TTBK2: variants seen among roughly 807,000 people sequenced by gnomAD.
The protein encoded by TTBK2 is tau tubulin kinase 2.
TTBK2 carries 28 observed loss-of-function variants against 110.8 expected under a neutral mutation model. The observed-to-expected ratio is 0.25, with a 90% confidence interval of 0.19 to 0.35. The LOEUF (loss-of-function observed/expected upper bound fraction) is 0.35. Among genes scored for constraint, TTBK2 ranks in the 10% least tolerant of loss-of-function variants. The pLI is 1.00. For missense variants in TTBK2, 1,369 were observed against 1,500.3 expected (o/e 0.91, Z 1.45); for synonymous variants, 532 against 527.3 (o/e 1.01, Z -0.12).
chr15:42,809,613 A>G (rs183030815), intron 9 of TTBK2, among the ~76,000 whole-genome samples: 1 of 152,354 alleles, frequency 6.6e-6, no homozygotes, highest in Admixed American at 6.5e-5. Flanking sequence ...AAAGACAAAT[A>G]TAAGAACACA....
At chr15:42,876,051 A>G (rs1894810347) in intron 2 of TTBK2, among the ~76,000 whole-genome samples, 1 of 152,078 alleles carries the variant, frequency 6.6e-6, no homozygotes, top group Non-Finnish European at 1.5e-5. Context: ...CAAGTGAGTG[A>G]AGAAACCATG....
chr15:42,853,263 TAA>T (rs202181236), intron 3 of TTBK2, among the ~76,000 whole-genome samples: 1 of 146,096 alleles, frequency 6.8e-6, no homozygotes, highest in Non-Finnish European at 1.5e-5. Flanking sequence ...TATTTCAGGG[TAA>T]AAAAAAAAAT....
At chr15:42,769,479 A>C (rs911969532) in intron 13 of TTBK2, among the ~76,000 whole-genome samples, 22 of 151,724 alleles carry the variant, frequency 1.5e-4, no homozygotes, top group Admixed American at 2.6e-4. Flanking sequence ...AAAAGAAGAC[A>C]TTTATGCAGC....
intron 1 of TTBK2, 73 bp downstream of exon 1, chr15:42,920,365 A>C (rs1596061775): frequency 6.6e-6 from 1 of 151,584 alleles, no homozygotes. Flanking sequence ...TCACTCGGCG[A>C]GGGGTGCGGC....
intron 12 of TTBK2, among the ~76,000 whole-genome samples, chr15:42,776,452 C>T (rs1889926348): frequency 6.6e-6 from 1 of 152,238 alleles, no homozygotes; most frequent in African/African-American, 2.4e-5. Context: ...GCACTACAAT[C>T]TTTACCTATG....
chr15:42,903,442 A>G (rs1344523186), intron 1 of TTBK2, among the ~76,000 whole-genome samples: 2 of 152,252 alleles, frequency 1.3e-5, no homozygotes, highest in Non-Finnish European at 2.9e-5. Flanking sequence ...ATATTTTACC[A>G]TAATAAAAAG....
chr15:42,861,678 G>C (rs1193928996), intron 3 of TTBK2, among the ~76,000 whole-genome samples: 1 of 148,638 alleles, frequency 6.7e-6, no homozygotes, highest in African/African-American at 2.5e-5. Flanking sequence ...ATCTTGCATA[G>C]AATAGAAAAA....
chr15:42,811,365 C>T (rs1567037752), intron 8 of TTBK2, among the ~76,000 whole-genome samples: 5 of 151,978 alleles, frequency 3.3e-5, no homozygotes. Flanking sequence ...CTAAATCAAA[C>T]AATATAATAT....
intron 1 of TTBK2, among the ~76,000 whole-genome samples, chr15:42,881,069 G>A (rs1022174778): frequency 6.6e-6 from 1 of 151,838 alleles, no homozygotes; most frequent in African/African-American, 2.4e-5. Context: ...ATCTCTTGAG[G>A]TCAGGAGTTC....
chr15:42,758,342 T>C lies in TTBK2; in HGVS notation c.1999-5095A>G, dbSNP rs982608254. ...ACCTTTTTTGTCTAAAGCAGCTTTATATAATACTTTATAGAAATGTTGAAA... is the reference window on the plus strand; with the variant it reads ...ACCTTTTTTGTCTAAAGCAGCTTTACATAATACTTTATAGAAATGTTGAAA... On this transcript the variant is annotated intron_variant, in intron 13 of 14. Transcript: ENST00000267890. Among the ~76,000 whole-genome samples the C allele has an allele frequency of 3.3e-5, 5 of 152,316 alleles. No individual in the cohort carries two copies. The South Asian group carries it at 1.0e-3, about 32-fold the overall frequency.
At chr15:42,792,567 TTTTA>T (rs1212519852) in intron 10 of TTBK2, among the ~76,000 whole-genome samples, 3 of 152,172 alleles carry the variant, frequency 2.0e-5, no homozygotes, top group Non-Finnish European at 4.4e-5. Context: ...CTAGCACTGG[TTTTA>T]TTTATTTATT....
chr15:42,919,199 A>AT (rs1274824353), intron 1 of TTBK2, among the ~76,000 whole-genome samples: 1 of 152,142 alleles, frequency 6.6e-6, no homozygotes, highest in Non-Finnish European at 1.5e-5. Flanking sequence ...CACACACATT[A>AT]TTTGAAACAT....
intron 11 of TTBK2, 146 bp from the exon 12 acceptor site, chr15:42,777,388 A>C: frequency 1.4e-6 from 1 of 737,970 alleles, no homozygotes; most frequent in South Asian, 1.9e-5. Context: ...ACTTCATTAC[A>C]TTCTTATCTA....
intron 1 of TTBK2, among the ~76,000 whole-genome samples, chr15:42,908,024 T>C (rs2030516089): frequency 6.6e-6 from 1 of 152,086 alleles, no homozygotes; most frequent in African/African-American, 2.4e-5. Context: ...AGGCAGAAGT[T>C]GTGGTGAGCC....
At chr15:42,773,386 G>A (rs536940184) in intron 13 of TTBK2, among the ~76,000 whole-genome samples, 5 of 151,224 alleles carry the variant, frequency 3.3e-5, no homozygotes, top group East Asian at 2.0e-4. Context: ...GCAGTGAGCC[G>A]AGATCACACC....
chr15:42,846,459 G>A (rs1024183879), intron 3 of TTBK2, among the ~76,000 whole-genome samples: 1 of 152,138 alleles, frequency 6.6e-6, no homozygotes, highest in African/African-American at 2.4e-5. Context: ...TGAGATTACA[G>A]ATGTGAGCCA....
chr15:42,890,972 G>A (rs140932100), intron 1 of TTBK2, among the ~76,000 whole-genome samples: 2 of 152,072 alleles, frequency 1.3e-5, no homozygotes, highest in African/African-American at 4.8e-5. Flanking sequence ...GGGTTCAAGC[G>A]ATTCTCCTGC....
chr15:42,810,122 A>G (rs1346043082), intron 9 of TTBK2, among the ~76,000 whole-genome samples: 5 of 152,082 alleles, frequency 3.3e-5, no homozygotes, highest in Non-Finnish European at 4.4e-5. Flanking sequence ...AACCTAGTCA[A>G]CCCTTCTAAG....
At chr15:42,897,741 A>C (rs1470827841) in intron 1 of TTBK2, among the ~76,000 whole-genome samples, 6 of 152,068 alleles carry the variant, frequency 3.9e-5, no homozygotes, top group African/African-American at 1.4e-4. Flanking sequence ...GACAATGATA[A>C]AAATTTGCAA....
Sources: allele counts gnomAD v4.1 joint callset (sites outside exome capture counted in the v4.1 genomes callset), GRCh38; gene constraint gnomAD v4.1.1; transcripts MANE v1.5; gene names NCBI Gene and HGNC (gene_info 2026-07-23, HGNC 2026-07-21).